The following LRFN5 variants were observed in gnomAD, a reference collection of about 807,000 sequenced individuals.
LRFN5 encodes the protein leucine-rich repeat and fibronectin type-III domain-containing protein 5.
In LRFN5, 24 loss-of-function variants were observed where a neutral mutation model predicts 45.6. The observed-to-expected ratio is 0.53, with a 90% confidence interval of 0.38 to 0.74. The LOEUF is 0.74. Ranked by LOEUF, LRFN5 falls within the 30% of genes least tolerant of loss-of-function variation. The pLI is 0.00. For missense variants in LRFN5, 776 were observed against 861.5 expected, an observed-to-expected ratio of 0.90 and a Z score of 1.24; for synonymous variants, 340 against 313.8, an observed-to-expected ratio of 1.08 and a Z score of -0.88.
At chr14:41,656,488 G>A (rs932164371) in intron 1 of LRFN5, among the ~76,000 whole-genome samples, 1 of 151,808 alleles carries the variant, frequency 6.6e-6, no homozygotes, top group Admixed American at 6.6e-5. Context: ...CAGCTTTATT[G>A]AGCCACTTTT....
At chr14:41,759,916 G>T (rs975465947) in intron 1 of LRFN5, among the ~76,000 whole-genome samples, 4 of 152,202 alleles carry the variant, frequency 2.6e-5, no homozygotes, top group African/African-American at 7.2e-5. Flanking sequence ...GGCAGATGAT[G>T]CGCTATTATG....
intron 1 of LRFN5, among the ~76,000 whole-genome samples, chr14:41,673,179 A>G (rs1194005939): frequency 6.6e-6 from 1 of 151,918 alleles, no homozygotes; most frequent in African/African-American, 2.4e-5. Flanking sequence ...CCCTCTTTCT[A>G]TTCCACAAAA....
At position 41,746,458 on chromosome 14, in the gene LRFN5, G is replaced by A. The variant is rs570774040; in HGVS notation, c.-196-20396G>A. Among the ~76,000 whole-genome samples, 7 of 152,100 alleles carry A rather than the reference G, an allele frequency of 4.6e-5. No homozygotes were observed. The South Asian group carries it at 8.3e-4, about 18-fold the overall frequency. Reference sequence around the variant, plus strand: ...GAACATGGCAAGAATCCACTTTGCCGCTTTTACTCAATGGAGTGGTAGGTC... The same window carrying A: ...GAACATGGCAAGAATCCACTTTGCCACTTTTACTCAATGGAGTGGTAGGTC... On this transcript the variant is annotated intron_variant, in intron 1 of 5. Coordinates refer to ENST00000298119, the MANE Select transcript of LRFN5 (RefSeq NM_152447.5).
intron 2 of LRFN5, among the ~76,000 whole-genome samples, chr14:41,878,768 A>T (rs1890273855): frequency 6.6e-6 from 1 of 152,148 alleles, no homozygotes; most frequent in Non-Finnish European, 1.5e-5. Context: ...AAACATAGAT[A>T]GTATGTTTTA....
intron 1 of LRFN5, among the ~76,000 whole-genome samples, chr14:41,689,880 G>A (rs1426047688): frequency 8.5e-6 from 1 of 117,248 alleles, no homozygotes; most frequent in East Asian, 2.7e-4. Context: ...GGGCCACAGA[G>A]CGAGACTCCG....
At chr14:41,773,735 A>G (rs12147155) in intron 2 of LRFN5, among the ~76,000 whole-genome samples, 85,581 of 152,056 alleles carry the variant, frequency 0.56, 24,699 homozygotes, top group East Asian at 0.94. Context: ...GTTCAGTGGA[A>G]AAGGAGATTA....
At chr14:41,765,956 A>T (rs988474305) in intron 1 of LRFN5, among the ~76,000 whole-genome samples, 1 of 152,172 alleles carries the variant, frequency 6.6e-6, no homozygotes, top group African/African-American at 2.4e-5. Flanking sequence ...TCATTCATAT[A>T]TCTTTACAAG....
intron 1 of LRFN5, among the ~76,000 whole-genome samples, chr14:41,724,780 C>T (rs915232609): frequency 2.0e-5 from 3 of 152,162 alleles, no homozygotes; most frequent in African/African-American, 4.8e-5. Context: ...TACCTCAACC[C>T]GCCCTTATGA....
chr14:41,863,974 G>T (rs1022899041), intron 2 of LRFN5, among the ~76,000 whole-genome samples: 2 of 152,100 alleles, frequency 1.3e-5, no homozygotes, highest in African/African-American at 4.8e-5. Flanking sequence ...GAGAATGATG[G>T]TTTCCAGCTT....
At chr14:41,675,179 C>T (rs1881557698) in intron 1 of LRFN5, among the ~76,000 whole-genome samples, 1 of 152,202 alleles carries the variant, frequency 6.6e-6, no homozygotes, top group South Asian at 2.1e-4. Flanking sequence ...GGCAGAGACG[C>T]TCCTCACTTC....
At position 41,744,069 on chromosome 14, in the gene LRFN5, A is replaced by T. The variant is rs183916110; in HGVS notation, c.-196-22785A>T. 2.5e-4 allele frequency among the ~76,000 whole-genome samples: 38 copies of T among 152,274 alleles called. 2 individuals are homozygous for T. Among genetic ancestry groups the T allele is most frequent in the Non-Finnish European group, 2.9e-5 (2 of 68,026 alleles). ...GAATATACACAAAAGAAAATGAGAA[A>T]GCTACTGGGTGCAGTACCTCATGCC... On this transcript the variant is annotated intron_variant, in intron 1 of 5. Coordinates refer to ENST00000298119, the MANE Select transcript of LRFN5 (RefSeq NM_152447.5).
chr14:41,799,813 T>G (rs1474504558), intron 2 of LRFN5, among the ~76,000 whole-genome samples: 2 of 151,984 alleles, frequency 1.3e-5, no homozygotes, highest in Non-Finnish European at 2.9e-5. Flanking sequence ...CCATTGTTGT[T>G]TCATCACTTA....
intron 1 of LRFN5, among the ~76,000 whole-genome samples, chr14:41,686,961 A>G (rs897491427): frequency 6.6e-6 from 1 of 152,154 alleles, no homozygotes; most frequent in African/African-American, 2.4e-5. Flanking sequence ...TATCAGGATG[A>G]TACTGGTTTC....
intron 2 of LRFN5, among the ~76,000 whole-genome samples, chr14:41,843,123 T>C (rs1011798743): frequency 6.7e-6 from 1 of 150,352 alleles, no homozygotes; most frequent in Admixed American, 6.6e-5. Flanking sequence ...TCTCACTCTG[T>C]CTCCCAGGAT....
At chr14:41,698,149 A>G (rs1417481408) in intron 1 of LRFN5, among the ~76,000 whole-genome samples, 1 of 152,060 alleles carries the variant, frequency 6.6e-6, no homozygotes. Context: ...AAAGCAACAA[A>G]TTCCTATAAA....
rs1419059681 is a variant in LRFN5, at chr14:41,755,771, G to A, written c.-196-11083G>A. ...GAGCATTTATCCCATTTACCTTTAA[G>A]GTTAATATTGTTATGTGTGAATTTG... On this transcript the variant is annotated intron_variant, in intron 1 of 5. Transcript: ENST00000298119. 2.0e-5 allele frequency among the ~76,000 whole-genome samples: 3 copies of A among 152,086 alleles called. No individual in the cohort carries two copies. In the East Asian group the frequency reaches 5.8e-4, roughly 29 times the overall value.
intron 1 of LRFN5, among the ~76,000 whole-genome samples, chr14:41,622,686 A>G (rs1888177769): frequency 6.6e-6 from 1 of 152,128 alleles, no homozygotes; most frequent in Non-Finnish European, 1.5e-5. Flanking sequence ...GAATATGACA[A>G]TGGCTGCATT....
intron 1 of LRFN5, among the ~76,000 whole-genome samples, chr14:41,755,530 T>G (rs1315606861): frequency 3.3e-5 from 5 of 152,206 alleles, no homozygotes; most frequent in Non-Finnish European, 5.9e-5. Flanking sequence ...TGGCCTTCTT[T>G]GTCTCTTTTG....
Position 41,871,454 on chromosome 14 carries a change from T to C in LRFN5, c.-20-15152T>C, listed in dbSNP as rs564022805. On this transcript the variant is annotated intron_variant, in intron 2 of 5. Coordinates refer to ENST00000298119, the MANE Select transcript of LRFN5 (RefSeq NM_152447.5). ...AAATTCAAAAATTAGTTGGGCATGG[T>C]GGTGGGCACCTGTAATCCCAGCTAT... Among the ~76,000 whole-genome samples, 16 of 152,104 alleles carry C rather than the reference T, an allele frequency of 1.1e-4. No individual in the cohort carries two copies. The East Asian group carries it at 3.1e-3, about 30-fold the overall frequency.
Sources: allele counts gnomAD v4.1 joint callset (sites outside exome capture counted in the v4.1 genomes callset), GRCh38; gene constraint gnomAD v4.1.1; transcripts MANE v1.5; gene names NCBI Gene and HGNC (gene_info 2026-07-23, HGNC 2026-07-21).